Variants in PRKAA2 observed in about 807,000 individuals in gnomAD.
PRKAA2 encodes 5'-AMP-activated protein kinase catalytic subunit alpha-2.
In PRKAA2, 40 loss-of-function variants were observed where a neutral mutation model predicts 56.3. That is an observed-to-expected ratio of 0.71 (90% CI 0.55 to 0.92). The LOEUF is 0.92. Among genes scored for constraint, PRKAA2 ranks in the 40% least tolerant of loss-of-function variants. The probability of loss-of-function intolerance (pLI) is 0.00; values close to 1 mark genes in which losing one functional copy is unlikely to be tolerated. For missense variants in PRKAA2, 542 were observed against 686.9 expected, an observed-to-expected ratio of 0.79 and a Z score of 2.36; for synonymous variants, 214 against 234.2, an observed-to-expected ratio of 0.91 and a Z score of 0.79.
rs188866711 is a variant in PRKAA2, at chr1:56,702,451, T to G, written c.789-1520T>G. On this transcript the variant is annotated intron_variant, in intron 6 of 8. Transcript: ENST00000371244. ...TGATCTTTACAGAATGATAACTAGG[T>G]TATGCTACCCTGTCTCTTTAAAATC... 4.1e-3 allele frequency among the ~76,000 whole-genome samples: 618 copies of G among 152,330 alleles called. 17 individuals are homozygous for G. Among genetic ancestry groups the G allele is most frequent in the Non-Finnish European group, 9.8e-4 (67 of 68,032 alleles).
At chr1:56,671,010 C>T (rs769465991) in intron 1 of PRKAA2, among the ~76,000 whole-genome samples, 10 of 152,048 alleles carry the variant, frequency 6.6e-5, no homozygotes, top group South Asian at 6.2e-4. Flanking sequence ...TGCATATGCT[C>T]GGCAAATGTT....
At chr1:56,669,240 C>T (rs1644057964) in intron 1 of PRKAA2, among the ~76,000 whole-genome samples, 1 of 152,064 alleles carries the variant, frequency 6.6e-6, no homozygotes, top group Admixed American at 6.6e-5. Flanking sequence ...AGGCAGATCA[C>T]CTGAGGTCAG....
intron 1 of PRKAA2, among the ~76,000 whole-genome samples, chr1:56,655,064 A>G (rs1266559518): frequency 6.6e-6 from 1 of 151,266 alleles, no homozygotes; most frequent in Non-Finnish European, 1.5e-5. Context: ...CTTATTCAAC[A>G]TCTCAGTTTC....
intron 2 of PRKAA2, 65 bp downstream of exon 2, chr1:56,674,587 T>C: frequency 7.8e-7 from 1 of 1,282,866 alleles, no homozygotes; most frequent in Non-Finnish European, 1.0e-6. Context: ...TTAGGAATTT[T>C]ATAATAATTG....
At chr1:56,676,232 C>T (rs993667843) in intron 2 of PRKAA2, among the ~76,000 whole-genome samples, 1 of 152,088 alleles carries the variant, frequency 6.6e-6, no homozygotes, top group Non-Finnish European at 1.5e-5. Context: ...AAGCAGCTGA[C>T]CTTAAACTAG....
intron 2 of PRKAA2, among the ~76,000 whole-genome samples, chr1:56,679,301 G>T (rs1289403210): frequency 6.6e-6 from 1 of 152,046 alleles, no homozygotes; most frequent in African/African-American, 2.4e-5. Context: ...AAATCTTTAT[G>T]ATTTCTGGCC....
chr1:56,683,461 T>C (rs902496732), intron 2 of PRKAA2, among the ~76,000 whole-genome samples: 1 of 152,038 alleles, frequency 6.6e-6, no homozygotes, highest in Non-Finnish European at 1.5e-5. Context: ...GCACAGAGTA[T>C]GTATAGGGAA....
chr1:56,661,668 A>G (rs1299989063), intron 1 of PRKAA2, among the ~76,000 whole-genome samples: 1 of 151,992 alleles, frequency 6.6e-6, no homozygotes, highest in Non-Finnish European at 1.5e-5. Context: ...TTATTATTTT[A>G]GAAAAACGTG....
chr1:56,693,068 G>T (rs927287620), intron 4 of PRKAA2, among the ~76,000 whole-genome samples: 1 of 152,152 alleles, frequency 6.6e-6, no homozygotes, highest in Non-Finnish European at 1.5e-5. Context: ...TGGAAAGGAT[G>T]CCTTAATAGG....
At chr1:56,646,899 A>G (rs890417295) in intron 1 of PRKAA2, among the ~76,000 whole-genome samples, 3 of 152,206 alleles carry the variant, frequency 2.0e-5, no homozygotes, top group Non-Finnish European at 4.4e-5. Context: ...AGGATACAGC[A>G]AGGAAAAAAC....
chr1:56,663,798 A>G (rs1395122431), intron 1 of PRKAA2, among the ~76,000 whole-genome samples: 1 of 151,984 alleles, frequency 6.6e-6, no homozygotes, highest in Non-Finnish European at 1.5e-5. Flanking sequence ...TATGGGCTTC[A>G]TCTTCAAAAT....
chr1:56,655,260 T>TTATATACATATATATATATATA (rs368198472), intron 1 of PRKAA2, among the ~76,000 whole-genome samples: 6 of 71,698 alleles, frequency 8.4e-5, no homozygotes, highest in African/African-American at 3.5e-4. Flanking sequence ...ATGTATGTAT[T>TTATATACATATATATATATATA]TATATATCTA....
At chr1:56,689,658 G>A (rs186693497) in intron 2 of PRKAA2, among the ~76,000 whole-genome samples, 46 of 152,198 alleles carry the variant, frequency 3.0e-4, no homozygotes, top group African/African-American at 8.9e-4. Context: ...GGTGGGGTGC[G>A]CAGTGAGCCG....
chr1:56,697,486 C>T (rs1644266408), intron 6 of PRKAA2, among the ~76,000 whole-genome samples: 1 of 152,100 alleles, frequency 6.6e-6, no homozygotes, highest in Non-Finnish European at 1.5e-5. Flanking sequence ...GTGTTCCAAA[C>T]CTCATGTATA....
At chr1:56,654,960 TACTC>T (rs555696834) in intron 1 of PRKAA2, among the ~76,000 whole-genome samples, 96 of 152,006 alleles carry the variant, frequency 6.3e-4, no homozygotes, top group African/African-American at 2.3e-3. Context: ...ATATGTCTCT[TACTC>T]TGAATGTTAG....
intron 7 of PRKAA2, among the ~76,000 whole-genome samples, chr1:56,705,725 C>A (rs1415137128): frequency 6.6e-6 from 1 of 152,190 alleles, no homozygotes; most frequent in Non-Finnish European, 1.5e-5. Flanking sequence ...ACTCCATAAT[C>A]ATCCATGAAC....
At chr1:56,650,945 A>G (rs1337908275) in intron 1 of PRKAA2, among the ~76,000 whole-genome samples, 1 of 152,248 alleles carries the variant, frequency 6.6e-6, no homozygotes, top group Non-Finnish European at 1.5e-5. Context: ...GTAAATATCA[A>G]GTCCTAAATG....
intron 2 of PRKAA2, among the ~76,000 whole-genome samples, chr1:56,686,974 T>C (rs1427759826): frequency 6.7e-6 from 1 of 149,766 alleles, no homozygotes; most frequent in African/African-American, 2.5e-5. Context: ...AACCTCCACC[T>C]CCCAGGTTCA....
chr1:56,671,546 G>T (rs1021710518), intron 1 of PRKAA2: 1 of 152,154 alleles, frequency 6.6e-6, no homozygotes, highest in Non-Finnish European at 1.5e-5. Flanking sequence ...GTCTCACTTT[G>T]TTTGTTTTAT....
Sources: gnomAD v4.1 joint callset for allele counts (sites outside exome capture counted in the v4.1 genomes callset) on GRCh38, gnomAD v4.1.1 for gene constraint, MANE v1.5 for transcripts, NCBI Gene and HGNC (gene_info 2026-07-23, HGNC 2026-07-21) for gene names.